Variants in PAMR1 observed in about 807,000 individuals in gnomAD.
PAMR1 encodes the protein peptidase domain containing associated with muscle regeneration 1.
In PAMR1, 88 loss-of-function variants were observed where a neutral mutation model predicts 81.8. The observed-to-expected ratio is 1.08, with a 90% CI of 0.91 to 1.28. The LOEUF (loss-of-function observed/expected upper bound fraction) is 1.28. Among genes scored for constraint, PAMR1 ranks in the 50% most tolerant of loss-of-function variants. The probability of loss-of-function intolerance (pLI) is 0.00; values close to 1 mark genes in which losing one functional copy is unlikely to be tolerated. For missense variants in PAMR1, 935 were observed against 919.7 expected (o/e 1.02, Z -0.21); for synonymous variants, 336 against 345.3 (o/e 0.97, Z 0.30).
intron 6 of PAMR1, among the ~76,000 whole-genome samples, chr11:35,466,726 C>CAAAAAAAAAAAA: frequency 1.6e-5 from 1 of 63,982 alleles, no homozygotes; most frequent in African/African-American, 6.3e-5. Context: ...GGCTCTATCT[C>CAAAAAAAAAAAA]AAAAAAAAAA....
intron 3 of PAMR1, among the ~76,000 whole-genome samples, chr11:35,481,491 G>A (rs1337479440): frequency 1.4e-5 from 2 of 144,682 alleles, no homozygotes; most frequent in Non-Finnish European, 3.1e-5. Context: ...TTTGTTGGCT[G>A]CATAAATGTC....
rs1475828477 is a variant in PAMR1 at position 35,525,406 on chromosome 11, C to T, written c.73+107G>A. Reference sequence around the variant, plus strand: ...CTCAACCCCTCACCCCAAACACACACAGCCCACCTCCTGAGACTCCCAGTC... The same window carrying T: ...CTCAACCCCTCACCCCAAACACACATAGCCCACCTCCTGAGACTCCCAGTC... On this transcript the variant is annotated intron_variant, in intron 1 of 10. Coordinates refer to ENST00000619888, the MANE Select transcript of PAMR1 (RefSeq NM_001001991.3). 2.6e-5 allele frequency: 23 copies of T among 880,096 alleles called. No individual in the cohort carries two copies. The Admixed American group carries it at 4.8e-4, about 18-fold the overall frequency. The allele number at this position is 880,096 out of a possible 1,614,324, so 54.5% of individuals were successfully genotyped here.
rs138700251 is a variant in PAMR1 at position 35,522,660 on chromosome 11, T to C, written c.73+2853A>G. Among the ~76,000 whole-genome samples the C allele has an allele frequency of 4.4e-4, 67 of 152,362 alleles. 5 individuals are homozygous for C. In the South Asian group the frequency reaches 0.012, roughly 27 times the overall value. ...GCTGCTATGAACATTGATGTAAACA[T>C]ATCTAATCAAGTCCCTGCTTTCAAT... On this transcript the variant is annotated intron_variant, in intron 1 of 10. Transcript: ENST00000619888.
At chr11:35,433,437 CT>C (rs1855954099) in intron 10 of PAMR1, among the ~76,000 whole-genome samples, 1 of 152,196 alleles carries the variant, frequency 6.6e-6, no homozygotes, top group Non-Finnish European at 1.5e-5. Context: ...AAAGTCTTCC[CT>C]GATTTTCCCA....
At position 35,434,897 on chromosome 11, in the gene PAMR1, G is replaced by T. The variant is rs1856002894; in HGVS notation, c.1334-93C>A. On this transcript the variant is annotated intron_variant, in intron 9 of 10. Coordinates refer to ENST00000619888, the MANE Select transcript of PAMR1 (RefSeq NM_001001991.3). ...TAACCAGAGAGCACAAATCTGGAAA[G>T]GTGAACTGTATGGGCATGATGACCA... is the stretch of plus-strand genomic sequence containing the variant. The T allele has an allele frequency of 7.7e-6, 10 of 1,291,910 alleles. No homozygotes were observed. In the Middle Eastern group the frequency reaches 6.0e-4, roughly 78 times the overall value. 80.0% of individuals were successfully genotyped at this position (1,291,910 alleles called of 1,614,324 possible). A position where few individuals can be genotyped will look rare whatever the true frequency, so the allele number is the denominator to read the frequency against.
chr11:35,435,358 C>A (rs943427755), intron 9 of PAMR1, among the ~76,000 whole-genome samples: 1 of 152,114 alleles, frequency 6.6e-6, no homozygotes, highest in Non-Finnish European at 1.5e-5. Context: ...TACCTCATTA[C>A]ATTTTTTATT....
intron 1 of PAMR1, among the ~76,000 whole-genome samples, chr11:35,508,973 T>C (rs1851027531): frequency 6.6e-6 from 1 of 152,230 alleles, no homozygotes; most frequent in Non-Finnish European, 1.5e-5. Context: ...GTTGACTCCA[T>C]GTCTTTGCTA....
intron 8 of PAMR1, 23 bp downstream of exon 8, chr11:35,439,604 G>C (rs1482016124): frequency 6.3e-7 from 1 of 1,582,434 alleles, no homozygotes; most frequent in Admixed American, 1.7e-5. Flanking sequence ...CTTCAGGGCA[G>C]AGTGCAGGTG....
intron 1 of PAMR1, among the ~76,000 whole-genome samples, chr11:35,507,786 C>T (rs1166082136): frequency 8.1e-6 from 1 of 123,380 alleles, no homozygotes; most frequent in East Asian, 2.4e-4. Flanking sequence ...TTGTAATTTA[C>T]CTATTGAAAT....
chr11:35,482,198 G>C (rs944741983), intron 3 of PAMR1, among the ~76,000 whole-genome samples: 13 of 152,126 alleles, frequency 8.5e-5, no homozygotes, highest in Non-Finnish European at 1.5e-5. Context: ...AATCCACCTT[G>C]AGTTAATTTT....
intron 3 of PAMR1, among the ~76,000 whole-genome samples, chr11:35,488,452 C>T (rs969074351): frequency 3.3e-5 from 5 of 151,822 alleles, no homozygotes; most frequent in African/African-American, 4.8e-5. Flanking sequence ...AACTCTTGTC[C>T]TCAAGTAACC....
chr11:35,441,990 C>T (rs910747217), intron 6 of PAMR1, among the ~76,000 whole-genome samples: 1 of 152,084 alleles, frequency 6.6e-6, no homozygotes, highest in Non-Finnish European at 1.5e-5. Context: ...AACTAGGCAG[C>T]CCTGAGTAAA....
chr11:35,501,917 T>C (rs977509198), intron 1 of PAMR1, among the ~76,000 whole-genome samples: 1 of 152,248 alleles, frequency 6.6e-6, no homozygotes, highest in African/African-American at 2.4e-5. Context: ...GTCTCTTTGA[T>C]ATATTTCCTT....
chr11:35,450,848 T>C (rs912641392), intron 6 of PAMR1, among the ~76,000 whole-genome samples: 6 of 152,246 alleles, frequency 3.9e-5, no homozygotes, highest in Admixed American at 3.9e-4. Flanking sequence ...AAGAGAGCCC[T>C]ATTCTTCACA....
chr11:35,474,021 A>C lies in PAMR1; in HGVS notation c.494+609T>G, dbSNP rs138442633. The stretch of plus-strand genomic sequence containing the variant: ...ATGAACTGTTCCAGCACTATGATGC[A>C]GTCATGAACGGTTCTCACAAAACAG... On this transcript the variant is annotated intron_variant, in intron 4 of 10. Transcript: ENST00000619888. Among the ~76,000 whole-genome samples, 94 of 152,374 alleles carry C rather than the reference A, an allele frequency of 6.2e-4. 1 individual carries two copies. The highest frequency in any genetic ancestry group is 2.0e-3 in the African/African-American group (85 of 41,588).
chr11:35,466,973 C>T (rs1444340254), intron 6 of PAMR1, among the ~76,000 whole-genome samples: 1 of 152,014 alleles, frequency 6.6e-6, no homozygotes, highest in Admixed American at 6.6e-5. Flanking sequence ...TTGTGATTCT[C>T]TTTCAGGGAA....
intron 1 of PAMR1, among the ~76,000 whole-genome samples, chr11:35,514,580 A>G (rs975692725): frequency 2.0e-5 from 3 of 152,374 alleles, no homozygotes; most frequent in Non-Finnish European, 4.4e-5. Flanking sequence ...TGGTGCTGGA[A>G]ATCCTTGAAG....
chr11:35,437,242 G>T (rs1229129771), intron 8 of PAMR1, among the ~76,000 whole-genome samples: 2 of 152,148 alleles, frequency 1.3e-5, no homozygotes, highest in Non-Finnish European at 2.9e-5. Flanking sequence ...AGTCCTTTAG[G>T]AATCTATGTT....
At chr11:35,513,478 C>T (rs2135420409) in intron 1 of PAMR1, 1 of 152,332 alleles carries the variant, frequency 6.6e-6, no homozygotes, top group Admixed American at 6.5e-5. Flanking sequence ...GTTCATCATT[C>T]TGAATGGCAA....
Sources: allele counts gnomAD v4.1 joint callset (sites outside exome capture counted in the v4.1 genomes callset), GRCh38; gene constraint gnomAD v4.1.1; transcripts MANE v1.5; gene names NCBI Gene and HGNC (gene_info 2026-07-23, HGNC 2026-07-21).